Variants in NEDD4 observed in about 807,000 individuals in gnomAD.
NEDD4 encodes E3 ubiquitin-protein ligase NEDD4.
In NEDD4, 99 loss-of-function variants were observed where a neutral mutation model predicts 144.9. That is an observed-to-expected ratio of 0.68 (90% CI 0.58 to 0.81). The LOEUF is 0.81. Among genes scored for constraint, NEDD4 ranks in the 30% least tolerant of loss-of-function variants. The probability of loss-of-function intolerance (pLI) is 0.00; values close to 1 mark genes in which losing one functional copy is unlikely to be tolerated. For missense variants in NEDD4, 985 were observed against 1,065.9 expected, an observed-to-expected ratio of 0.92 and a Z score of 1.06; for synonymous variants, 318 against 350.6, an observed-to-expected ratio of 0.91 and a Z score of 1.04.
intron 24 of NEDD4, among the ~76,000 whole-genome samples, chr15:55,835,393 C>T (rs184745990): frequency 1.4e-5 from 2 of 145,490 alleles, no homozygotes; most frequent in East Asian, 3.9e-4. Context: ...TGTTAATTTC[C>T]TTATTTCCTT....
At position 55,840,494 on chromosome 15, in the gene NEDD4, T is replaced by C; in HGVS notation, c.1984A>G (p.Lys662Glu). The change falls in exon 21 of 29, where the codon AAG becomes GAG. Residue 662 changes from lysine to glutamate, a missense_variant. Transcript: ENST00000435532. ...LDGFFIRPFY[K>E]MMLHKPITLH... ...GTTATTGGTTTGTGAAGCATCATCT[T>C]GTAAAATGGGCGGATGAAAAAACCT... The C allele has an allele frequency of 6.2e-7, 1 of 1,614,014 alleles. No homozygotes were observed. The highest frequency in any genetic ancestry group is 1.1e-5 in the South Asian group (1 of 91,064).
At chr15:55,847,862 TAG>T (rs201914804) in intron 17 of NEDD4, among the ~76,000 whole-genome samples, 14,059 of 152,028 alleles carry the variant, frequency 0.092, 708 homozygotes, top group Middle Eastern at 0.15. Context: ...GCATTTTTAG[TAG>T]AGACAGGGTT....
At chr15:55,918,638 C>G (rs1384506577) in intron 5 of NEDD4, among the ~76,000 whole-genome samples, 2 of 150,538 alleles carry the variant, frequency 1.3e-5, no homozygotes, top group East Asian at 3.9e-4. Flanking sequence ...ATTTTCTAAA[C>G]AGATTTTTAA....
At chr15:55,890,955 A>C (rs1199904762) in intron 5 of NEDD4, among the ~76,000 whole-genome samples, 1 of 152,154 alleles carries the variant, frequency 6.6e-6, no homozygotes, top group Admixed American at 6.5e-5. Flanking sequence ...AATCTTCCCT[A>C]CAGCTTTCAT....
intron 13 of NEDD4, 67 bp from the exon 14 acceptor site, chr15:55,850,809 A>C: frequency 7.1e-7 from 1 of 1,414,358 alleles, no homozygotes. Flanking sequence ...TGTAGTTAAA[A>C]AGGTAACTTA....
chr15:55,986,733 G>A (rs1406236009), intron 1 of NEDD4, among the ~76,000 whole-genome samples: 1 of 150,260 alleles, frequency 6.7e-6, no homozygotes, highest in Non-Finnish European at 1.5e-5. Context: ...GGGACTACAG[G>A]CACCCACCAC....
chr15:55,885,995 C>T (rs1173115651), intron 5 of NEDD4, among the ~76,000 whole-genome samples: 3 of 150,076 alleles, frequency 2.0e-5, no homozygotes, highest in Non-Finnish European at 4.4e-5. Flanking sequence ...AGACTAAAAA[C>T]AAAGGGATGG....
intron 5 of NEDD4, among the ~76,000 whole-genome samples, chr15:55,919,298 G>A (rs764158172): frequency 3.5e-4 from 54 of 152,218 alleles, no homozygotes; most frequent in Admixed American, 6.5e-4. Context: ...GATTTTTCTT[G>A]TTGTTGTTGA....
intron 5 of NEDD4, among the ~76,000 whole-genome samples, chr15:55,920,956 A>G (rs963289741): frequency 6.6e-6 from 1 of 152,182 alleles, no homozygotes; most frequent in Non-Finnish European, 1.5e-5. Context: ...TTTCTCAAGA[A>G]AAGCTGTATT....
chr15:55,960,717 C>T (rs2037411490), intron 2 of NEDD4, among the ~76,000 whole-genome samples: 1 of 152,166 alleles, frequency 6.6e-6, no homozygotes, highest in Admixed American at 6.5e-5. Flanking sequence ...ATACTGATTT[C>T]TCAGACACAG....
chr15:55,843,145 T>G (rs1201151515), intron 18 of NEDD4, among the ~76,000 whole-genome samples: 1 of 152,202 alleles, frequency 6.6e-6, no homozygotes, highest in East Asian at 1.9e-4. Context: ...CTGCCATGAT[T>G]GTGAGGCCTC....
chr15:55,878,870 T>G (rs1912396), intron 5 of NEDD4, among the ~76,000 whole-genome samples: 134,556 of 152,296 alleles, frequency 0.88, 59,573 homozygotes, highest in East Asian at 0.96. Flanking sequence ...TCGCCCAGGC[T>G]GGGGTGCAAT....
intron 5 of NEDD4, among the ~76,000 whole-genome samples, chr15:55,914,671 T>TA (rs1473578271): frequency 4.6e-5 from 7 of 151,974 alleles, no homozygotes; most frequent in African/African-American, 1.7e-4. Context: ...TATATACAAA[T>TA]ACAAATGCCA....
rs540565500 is a variant in NEDD4 at position 55,992,819 on chromosome 15, GA to G, written c.45+691del. ...CAGAGCTTAATCTAGTTTTCAAAGG[GA>G]ACAGATGTGGTAACTTCTTTATAAA... is the stretch of plus-strand genomic sequence containing the variant. On this transcript the variant is annotated intron_variant, in intron 1 of 28. Coordinates refer to ENST00000435532, the MANE Select transcript of NEDD4 (RefSeq NM_006154.4). Among the ~76,000 whole-genome samples the G allele has an allele frequency of 1.5e-3, 229 of 152,272 alleles. 1 individual carries two copies. The highest frequency in any genetic ancestry group is 3.8e-3 in the Admixed American group (58 of 15,296).
chr15:55,851,125 G>A (rs936621008), intron 13 of NEDD4, among the ~76,000 whole-genome samples: 10 of 152,126 alleles, frequency 6.6e-5, no homozygotes, highest in African/African-American at 1.7e-4. Flanking sequence ...GGAGGAGGTC[G>A]TCTTTGTTTT....
At chr15:55,882,183 C>T (rs2035217282) in intron 5 of NEDD4, among the ~76,000 whole-genome samples, 1 of 152,176 alleles carries the variant, frequency 6.6e-6, no homozygotes, top group Admixed American at 6.5e-5. Flanking sequence ...TTAAAAATCA[C>T]ACAAAAAGCA....
In NEDD4 at chr15:55,934,860, C is replaced by CTTTTT. The variant is rs564385465; in HGVS notation, c.238-10166_238-10162dup. On this transcript the variant is annotated intron_variant, in intron 4 of 28. Coordinates refer to ENST00000435532, the MANE Select transcript of NEDD4 (RefSeq NM_006154.4). ...ATATATTCCTATATACAATGTTCTG[C>CTTTTT]TTTTTTTTTTTTTTTTTTTTTTTTT... The CTTTTT allele has an allele frequency of 1.6e-4, 13 of 80,838 alleles. 1 individual carries two copies. The highest frequency in any genetic ancestry group is 4.7e-4 in the East Asian group (1 of 2,114). The allele number at this position is 80,838 out of a possible 1,614,324, so 5.0% of individuals were successfully genotyped here. A position where few individuals can be genotyped will look rare whatever the true frequency, so the allele number is the denominator to read the frequency against.
intron 5 of NEDD4, among the ~76,000 whole-genome samples, chr15:55,923,501 G>T (rs1324921892): frequency 2.6e-5 from 4 of 151,956 alleles, no homozygotes; most frequent in Non-Finnish European, 5.9e-5. Context: ...ACAAAAATTA[G>T]CCAGGTGTGG....
chr15:55,992,313 G>A lies in NEDD4; in HGVS notation c.45+1198C>T, dbSNP rs138650259. ...ATAGCTAGGAAATTAAATTCTAATC[G>A]CATCACGTAAGCATTCTCAAAATAT... On this transcript the variant is annotated intron_variant, in intron 1 of 28. Transcript: ENST00000435532. Among the ~76,000 whole-genome samples, 160 of 152,164 alleles carry A rather than the reference G, an allele frequency of 1.1e-3. 1 individual carries two copies. In the East Asian group the frequency reaches 0.028, roughly 26 times the overall value.
Sources: allele counts gnomAD v4.1 joint callset (sites outside exome capture counted in the v4.1 genomes callset), GRCh38; gene constraint gnomAD v4.1.1; transcripts MANE v1.5; gene names NCBI Gene and HGNC (gene_info 2026-07-23, HGNC 2026-07-21).